HERC2: variants seen among roughly 807,000 people sequenced by gnomAD.
HERC2 encodes HECT and RLD domain containing E3 ubiquitin protein ligase 2.
In HERC2, 102 loss-of-function variants were observed where a neutral mutation model predicts 537.7. The ratio of observed to expected loss-of-function variants is 0.19; its 90% confidence interval spans 0.16 to 0.22. HERC2 has a LOEUF of 0.22. Ranked by LOEUF, HERC2 falls within the 10% of genes least tolerant of loss-of-function variation. HERC2 has a pLI of 1.00. For missense variants in HERC2, 4,236 were observed against 6,198.2 expected (o/e 0.68, Z 10.63); for synonymous variants, 2,224 against 2,466.2 (o/e 0.90, Z 2.91).
In HERC2 at chr15:28,292,556, C is replaced by T. The variant is rs538214208; in HGVS notation, c.322+332G>A. On this transcript the variant is annotated intron_variant, in intron 4 of 92. Coordinates refer to ENST00000261609, the MANE Select transcript of HERC2 (RefSeq NM_004667.6). ...TAGTGCCAGGTGCGATGGCTCACAC[C>T]TGAAATCTCAGCAACTCAGGAGTGT... Among the ~76,000 whole-genome samples, 3 of 152,230 alleles carry T rather than the reference C, an allele frequency of 2.0e-5. No homozygotes were observed. In the South Asian group the frequency reaches 6.2e-4, roughly 32 times the overall value.
At position 28,228,337 on chromosome 15, in the gene HERC2, T is replaced by G. The variant is rs1901458029; in HGVS notation, c.5345A>C (p.Gln1782Pro). ...GAGCATCACCAGGAGGAAGCGGGCT[T>G]GCGGGATGGTCCCCAGGCTCGGTCC... Reference protein sequence around the residue: ...PSGPSLGTIPQARFLLVMLSM... With the variant: ...PSGPSLGTIPPARFLLVMLSM... Residue 1782 changes from glutamine (Q) to proline (P), a missense_variant, in exon 35 of 93, where the codon CAA becomes CCA. Around this residue, in one of 27 missense-constraint regions of HERC2, gnomAD observed 343 missense variants for 417.2 expected, o/e 0.82. Transcript: ENST00000261609. 1.2e-6 allele frequency: 2 copies of G among 1,612,098 alleles called. No individual in the cohort carries two copies. The highest frequency in any genetic ancestry group is 2.7e-5 in the African/African-American group (2 of 74,868).
chr15:28,248,139 G>A (rs1330231581), intron 21 of HERC2, among the ~76,000 whole-genome samples: 2 of 152,198 alleles, frequency 1.3e-5, no homozygotes, highest in Non-Finnish European at 2.9e-5. Flanking sequence ...AAGCCGAGCT[G>A]TAACTGAAAC....
chr15:28,152,037 C>T (rs1892509037), intron 70 of HERC2, among the ~76,000 whole-genome samples: 1 of 152,306 alleles, frequency 6.6e-6, no homozygotes. Flanking sequence ...CTGCTGATGT[C>T]ACAAAGCAAA....
intron 2 of HERC2, among the ~76,000 whole-genome samples, chr15:28,313,311 G>A (rs2076996000): frequency 1.3e-5 from 2 of 151,912 alleles, no homozygotes; most frequent in African/African-American, 2.4e-5. Flanking sequence ...CCGAGTAGCT[G>A]GGACTACAGG....
At chr15:28,172,023 C>T (rs539462890) in intron 65 of HERC2, among the ~76,000 whole-genome samples, 8 of 149,008 alleles carry the variant, frequency 5.4e-5, no homozygotes, top group Non-Finnish European at 1.2e-4. Context: ...TGCAGTGAGC[C>T]GAGATTGCGC....
rs1318232985 is a variant in HERC2, at chr15:28,246,662, T to C, written c.3391+80A>G. ...AAAATTTAGAGAGTAAATGCAGGCATGCTGATCAGCAAAGAAGACACTTTA... is the reference window on the plus strand; with the variant it reads ...AAAATTTAGAGAGTAAATGCAGGCACGCTGATCAGCAAAGAAGACACTTTA... On this transcript the variant is annotated intron_variant, in intron 22 of 92. Coordinates refer to ENST00000261609, the MANE Select transcript of HERC2 (RefSeq NM_004667.6). The C allele has an allele frequency of 4.8e-6, 6 of 1,247,670 alleles. No individual in the cohort carries two copies. In the Admixed American group the frequency reaches 8.4e-5, roughly 18 times the overall value. The allele number at this position is 1,247,670 out of a possible 1,614,324, so 77.3% of individuals were successfully genotyped here.
intron 30 of HERC2, among the ~76,000 whole-genome samples, chr15:28,232,527 G>A (rs1481959039): frequency 1.2e-4 from 17 of 147,422 alleles, no homozygotes; most frequent in African/African-American, 2.3e-4. Context: ...CCAGCCTGGC[G>A]ACAAAGCAAG....
chr15:28,146,907 G>A (rs890073299), intron 70 of HERC2, among the ~76,000 whole-genome samples: 8 of 131,804 alleles, frequency 6.1e-5, no homozygotes, highest in Admixed American at 1.7e-4. Flanking sequence ...GGGGAGGAAG[G>A]AGGGAAGAAG....
At chr15:28,242,974 T>C (rs529771447) in intron 23 of HERC2, among the ~76,000 whole-genome samples, 15 of 152,252 alleles carry the variant, frequency 9.9e-5, no homozygotes, top group African/African-American at 3.1e-4. Context: ...CTGGAAAGCT[T>C]TTTCTCTGCT....
chr15:28,242,178 T>C (rs1047203867), intron 23 of HERC2, among the ~76,000 whole-genome samples: 2 of 152,208 alleles, frequency 1.3e-5, no homozygotes, highest in South Asian at 2.1e-4. Flanking sequence ...TGGTGTTTAA[T>C]AGATGCATAG....
In HERC2 at chr15:28,227,593, C is replaced by T. The variant is rs1901343960; in HGVS notation, c.5464+625G>A. On this transcript the variant is annotated intron_variant, in intron 35 of 92. Coordinates refer to ENST00000261609, the MANE Select transcript of HERC2 (RefSeq NM_004667.6). The stretch of plus-strand genomic sequence containing the variant: ...GCACTGTGGAAAACTTTGGTAGTTT[C>T]TCAGTAAGTTACACATAGTTGTACC... 1.3e-5 allele frequency among the ~76,000 whole-genome samples: 2 copies of T among 151,938 alleles called. 1 individual carries two copies. The highest frequency in any genetic ancestry group is 4.1e-4 in the South Asian group (2 of 4,822).
At chr15:28,304,304 A>C (rs2076719306) in intron 2 of HERC2, among the ~76,000 whole-genome samples, 1 of 151,584 alleles carries the variant, frequency 6.6e-6, no homozygotes. Flanking sequence ...AAATATAACA[A>C]TCATCTGCAA....
At chr15:28,309,723 T>C (rs1389318492) in intron 2 of HERC2, among the ~76,000 whole-genome samples, 3 of 151,892 alleles carry the variant, frequency 2.0e-5, no homozygotes, top group African/African-American at 7.2e-5. Context: ...ACACCTGAAG[T>C]AGAGGATAGA....
chr15:28,250,586 T>G (rs2525972), intron 20 of HERC2, among the ~76,000 whole-genome samples: 1 of 144,536 alleles, frequency 6.9e-6, no homozygotes, highest in African/African-American at 2.6e-5. Context: ...CTCGCCAGCA[T>G]GTAAATAACG....
chr15:28,137,104 T>A, intron 78 of HERC2, among the ~76,000 whole-genome samples: 1 of 151,844 alleles, frequency 6.6e-6, no homozygotes. Flanking sequence ...TAACAAGGGG[T>A]CACTGATTGG....
intron 35 of HERC2, among the ~76,000 whole-genome samples, chr15:28,223,206 A>C (rs1212426488): frequency 6.6e-6 from 1 of 152,066 alleles, no homozygotes; most frequent in African/African-American, 2.4e-5. Flanking sequence ...ATGGATTTGA[A>C]AATAGGAGCG....
At chr15:28,191,920 C>T (rs199921141) in intron 53 of HERC2, 41 bp downstream of exon 53, 11 of 1,558,054 alleles carry the variant, frequency 7.1e-6, no homozygotes, top group South Asian at 3.4e-5. Context: ...GCAAAACCAT[C>T]GGTGTGAAAG....
intron 85 of HERC2, among the ~76,000 whole-genome samples, chr15:28,123,497 T>C (rs2142099810): frequency 6.6e-6 from 1 of 152,352 alleles, no homozygotes; most frequent in African/African-American, 2.4e-5. Context: ...GGTCAAAACC[T>C]GCCTGGTGAC....
Position 28,144,817 on chromosome 15 carries a change from A to G in HERC2, c.11009-13T>C, listed in dbSNP as rs1222145343. The stretch of plus-strand genomic sequence containing the variant: ...GACCACTCTCGGCCTGCGGGAGGAA[A>G]GCGCACCCCGGGGTTAGCTTCACTC... On this transcript the variant is annotated splice_polypyrimidine_tract_variant and intron_variant, in intron 71 of 92. Transcript: ENST00000261609. 1.2e-6 allele frequency: 2 copies of G among 1,613,928 alleles called. No individual in the cohort carries two copies. Among genetic ancestry groups the G allele is most frequent in the African/African-American group, 1.3e-5 (1 of 74,912 alleles).
Sources: allele counts gnomAD v4.1 joint callset (sites outside exome capture counted in the v4.1 genomes callset), GRCh38; gene constraint gnomAD v4.1.1; regional missense constraint gnomAD v4.1.1; transcripts MANE v1.5; gene names NCBI Gene and HGNC (gene_info 2026-07-23, HGNC 2026-07-21).